The following PCDHB13 variants were observed in gnomAD, a reference collection of about 807,000 sequenced individuals.
PCDHB13 encodes the protein protocadherin beta 13.
For missense variants in PCDHB13, 1,065 were observed against 1,016.7 expected (o/e 1.05, Z -0.65); for synonymous variants, 515 against 450.7 (o/e 1.14, Z -1.81).
At position 141,214,459 on chromosome 5, in the gene PCDHB13, G is replaced by A. The variant is rs1448528040; in HGVS notation, c.336G>A (p.Glu112=). 2 of 1,537,030 alleles carry A rather than the reference G, an allele frequency of 1.3e-6. No homozygotes were observed. Among genetic ancestry groups the A allele is most frequent in the Admixed American group, 3.4e-5 (2 of 59,334 alleles). The part of the protein sequence containing the change: ...PCVLRFQVLL[E]SPFEFFQAEL... ...TGCTACGTTTCCAAGTGTTGCTAGA[G>A]AGTCCCTTCGAGTTTTTTCAAGCTG... The change falls in exon 1 of 1, where the codon GAG becomes GAA. Residue 112 remains glutamate (E), a synonymous_variant. Transcript: ENST00000341948.
chr5:141,218,974 G>T lies in PCDHB13; in HGVS notation c.*2454G>T, dbSNP rs782225451. 1.7e-4 allele frequency: 29 copies of T among 166,692 alleles called. No homozygotes were observed. The highest frequency in any genetic ancestry group is 3.9e-4 in the Admixed American group (6 of 15,278). The allele number at this position is 166,692 out of a possible 1,614,324, so 10.3% of individuals were successfully genotyped here. ...GAGAGAAGGGCCAAGTACTTGTCCTGTTACTTCCAGTTTTTCTAGATATAT... is the reference window on the plus strand; with the variant it reads ...GAGAGAAGGGCCAAGTACTTGTCCTTTTACTTCCAGTTTTTCTAGATATAT... On this transcript the variant is annotated 3_prime_UTR_variant, in exon 1 of 1. Transcript: ENST00000341948.
At position 141,214,721 on chromosome 5, in the gene PCDHB13, G is replaced by C; in HGVS notation, c.598G>C (p.Ala200Pro). The C allele has an allele frequency of 4.3e-6, 7 of 1,614,166 alleles. No homozygotes were observed. In the South Asian group the frequency reaches 7.7e-5, roughly 18 times the overall value. Residue 200 changes from alanine to proline, a missense_variant, in exon 1 of 1, where the codon GCG becomes CCG. Coordinates refer to ENST00000341948, the MANE Select transcript of PCDHB13 (RefSeq NM_018933.4). ...ATACCCAGAGCTGGTGCTGGACAAA[G>C]CGCTGGACCGAGAGGAAGAAGCTGA... ...RKYPELVLDK[A>P]LDREEEAELR...
rs1283325996 is a variant in PCDHB13 at position 141,217,597 on chromosome 5, G to A, written c.*1077G>A. The A allele has an allele frequency of 1.8e-5, 3 of 166,906 alleles. No individual in the cohort carries two copies. The highest frequency in any genetic ancestry group is 4.1e-4 in the South Asian group (2 of 4,820). The allele number at this position is 166,906 out of a possible 1,614,324, so 10.3% of individuals were successfully genotyped here. The stretch of plus-strand genomic sequence containing the variant: ...GCATACCAGATGTTGAACATTGATA[G>A]TATCAAAAGATAGTCCCTTAGGGTT... On this transcript the variant is annotated 3_prime_UTR_variant, in exon 1 of 1. Coordinates refer to ENST00000341948, the MANE Select transcript of PCDHB13 (RefSeq NM_018933.4).
rs1473550081 is a variant in PCDHB13, at chr5:141,214,646, C to T, written c.523C>T (p.Pro175Ser). The change falls in exon 1 of 1, where the codon CCC becomes TCC. Residue 175 changes from proline to serine, a missense_variant. Pro to Ser is a moderately conservative substitution (Grantham distance 74). Coordinates refer to ENST00000341948, the MANE Select transcript of PCDHB13 (RefSeq NM_018933.4). The stretch of plus-strand genomic sequence containing the variant: ...CAATATTGAGAACTATATAATCAGC[C>T]CCAACTCCTATTTTCGGGTCCTCAC... ...QNNIENYIISPNSYFRVLTRK... is the reference protein window; with the variant it reads ...QNNIENYIISSNSYFRVLTRK... 2 of 1,613,978 alleles carry T rather than the reference C, an allele frequency of 1.2e-6. No individual in the cohort carries two copies. The highest frequency in any genetic ancestry group is 1.3e-5 in the African/African-American group (1 of 74,902).
At position 141,218,871 on chromosome 5, in the gene PCDHB13, A is replaced by T. The variant is rs1378304624; in HGVS notation, c.*2351A>T. 6.0e-6 allele frequency: 1 copy of T among 167,034 alleles called. No individual in the cohort carries two copies. Among genetic ancestry groups the T allele is most frequent in the Non-Finnish European group, 1.5e-5 (1 of 68,172 alleles). The allele number at this position is 167,034 out of a possible 1,614,324, so 10.3% of individuals were successfully genotyped here. A position where few individuals can be genotyped will look rare whatever the true frequency, so the allele number is the denominator to read the frequency against. ...GAGTTATTCTAGCAGCTTCCCTGTG[A>T]TCTTCTCATATCTACTGGTGGAGTG... On this transcript the variant is annotated 3_prime_UTR_variant, in exon 1 of 1. Coordinates refer to ENST00000341948, the MANE Select transcript of PCDHB13 (RefSeq NM_018933.4).
Position 141,215,591 on chromosome 5 carries a change from C to A in PCDHB13, c.1468C>A (p.Leu490Met). 1.9e-6 allele frequency: 3 copies of A among 1,612,340 alleles called. No individual in the cohort carries two copies. The highest frequency in any genetic ancestry group is 1.1e-5 in the South Asian group (1 of 89,992). ...CACCAACGCCCAGGTCACCTACTCG[C>A]TGCTGCCGCCCCAGGACCCGCACCT... ...SGTNAQVTYSLLPPQDPHLPL... is the reference protein window; with the variant it reads ...SGTNAQVTYSMLPPQDPHLPL... Residue 490 changes from leucine to methionine, a missense_variant, in exon 1 of 1, where the codon CTG (leucine) becomes ATG (methionine). Transcript: ENST00000341948.
rs943687640 is a variant in PCDHB13, at chr5:141,217,554, T to G, written c.*1034T>G. ...AGTAACCCAAAGTTTGAAAACCACT[T>G]TTCTCAGACATATAAAAGCATACCA... is the stretch of plus-strand genomic sequence containing the variant. On this transcript the variant is annotated 3_prime_UTR_variant, in exon 1 of 1. Transcript: ENST00000341948. The G allele has an allele frequency of 1.8e-5, 3 of 167,008 alleles. No homozygotes were observed. Among genetic ancestry groups the G allele is most frequent in the Non-Finnish European group, 4.4e-5 (3 of 68,104 alleles). 10.3% of individuals were successfully genotyped at this position (167,008 alleles called of 1,614,324 possible). A position where few individuals can be genotyped will look rare whatever the true frequency, so the allele number is the denominator to read the frequency against.
At position 141,217,107 on chromosome 5, in the gene PCDHB13, A is replaced by T. The variant is rs1180328949; in HGVS notation, c.*587A>T. Reference sequence around the variant, plus strand: ...CCTTTCCTCATTCATCCTGGAGAGGATTGTGCAGGCACATTAATATTGTGA... The same window carrying T: ...CCTTTCCTCATTCATCCTGGAGAGGTTTGTGCAGGCACATTAATATTGTGA... On this transcript the variant is annotated 3_prime_UTR_variant, in exon 1 of 1. Coordinates refer to ENST00000341948, the MANE Select transcript of PCDHB13 (RefSeq NM_018933.4). 1 of 173,390 alleles carries T rather than the reference A, an allele frequency of 5.8e-6. No homozygotes were observed. The highest frequency in any genetic ancestry group is 1.4e-5 in the Non-Finnish European group (1 of 72,874). 10.7% of individuals were successfully genotyped at this position (173,390 alleles called of 1,614,324 possible).
In PCDHB13 at chr5:141,218,002, C is replaced by G. The variant is rs1257630256; in HGVS notation, c.*1482C>G. ...AGGCTGGAGTGCAGTGGTGTGATCT[C>G]CACTCACTGTGATCTCCACTCACTG... On this transcript the variant is annotated 3_prime_UTR_variant, in exon 1 of 1. Transcript: ENST00000341948. 2 of 144,600 alleles carry G rather than the reference C, an allele frequency of 1.4e-5. No homozygotes were observed. The highest frequency in any genetic ancestry group is 6.8e-5 in the African/African-American group (2 of 29,398). 9.0% of individuals were successfully genotyped at this position (144,600 alleles called of 1,614,324 possible).
rs782119920 is a variant in PCDHB13 at position 141,216,094 on chromosome 5, G to A, written c.1971G>A (p.Thr657=). 6.2e-7 allele frequency: 1 copy of A among 1,607,424 alleles called. No individual in the cohort carries two copies. The highest frequency in any genetic ancestry group is 1.3e-5 in the African/African-American group (1 of 74,886). The change falls in exon 1 of 1, where the codon ACG becomes ACA. Residue 657 remains threonine (T), a synonymous_variant. Transcript: ENST00000341948. ...AGCCTCCGCGCTCGGCCACCGCCACGCTGCACGTGCTCCTGGTGGACGGCT... is the reference window on the plus strand; with the variant it reads ...AGCCTCCGCGCTCGGCCACCGCCACACTGCACGTGCTCCTGGTGGACGGCT... ...NGEPPRSATA[T]LHVLLVDGFS...
rs1554287746 is a variant in PCDHB13 at position 141,214,899 on chromosome 5, G to C, written c.776G>C (p.Gly259Ala). Residue 259 changes from glycine (G) to alanine (A), a missense_variant, in exon 1 of 1, where the codon GGC becomes GCC. Coordinates refer to ENST00000341948, the MANE Select transcript of PCDHB13 (RefSeq NM_018933.4). ...CAGATCTCTGAGGACAGTCCGGTAG[G>C]CTTCCTGGTTGTGAAGGTCTCTGCC... ...RVQISEDSPV[G>A]FLVVKVSATD... 5.6e-6 allele frequency: 9 copies of C among 1,613,948 alleles called. No individual in the cohort carries two copies. The highest frequency in any genetic ancestry group is 6.8e-6 in the Non-Finnish European group (8 of 1,179,964).
Position 141,216,397 on chromosome 5 carries a change from C to T in PCDHB13, c.2274C>T (p.Gly758=), listed in dbSNP as rs1554288196. 6.2e-7 allele frequency: 1 copy of T among 1,614,162 alleles called. No individual in the cohort carries two copies. The change falls in exon 1 of 1, where the codon GGC becomes GGT. Residue 758 remains glycine, a synonymous_variant. Transcript: ENST00000341948. The part of the protein sequence containing the change: ...SYQYEVCLAG[G]SGTNEFKFLK... ...AGTATGAGGTGTGTCTGGCAGGAGG[C>T]TCAGGGACCAATGAGTTCAAGTTCC...
chr5:141,216,116 G>T lies in PCDHB13; in HGVS notation c.1993G>T (p.Gly665Cys), dbSNP rs1554288109. 9.3e-6 allele frequency: 15 copies of T among 1,609,280 alleles called. No homozygotes were observed. The highest frequency in any genetic ancestry group is 1.3e-5 in the Non-Finnish European group (15 of 1,179,736). ...CACGCTGCACGTGCTCCTGGTGGAC[G>T]GCTTCTCCCAGCCCTACCTGCCTCT... The part of the protein sequence containing the change: ...TATLHVLLVD[G>C]FSQPYLPLPE... Residue 665 changes from glycine to cysteine, a missense_variant, in exon 1 of 1, where the codon GGC (glycine) becomes TGC (cysteine). By Grantham distance (159) the Gly-to-Cys change is radical. Transcript: ENST00000341948.
In PCDHB13 at chr5:141,218,323, G is replaced by A. The variant is rs1754659771; in HGVS notation, c.*1803G>A. 6.0e-6 allele frequency: 1 copy of A among 167,070 alleles called. No individual in the cohort carries two copies. The highest frequency in any genetic ancestry group is 1.9e-4 in the East Asian group (1 of 5,210). The allele number at this position is 167,070 out of a possible 1,614,324, so 10.3% of individuals were successfully genotyped here. On this transcript the variant is annotated 3_prime_UTR_variant, in exon 1 of 1. Transcript: ENST00000341948. ...GGTATTAGTCAGTTGATAATGCCAA[G>A]AAGTGCAATCTCTTTTAATAGCATA... is the stretch of plus-strand genomic sequence containing the variant.
chr5:141,214,798 C>T lies in PCDHB13; in HGVS notation c.675C>T (p.Gly225=), dbSNP rs1754545200. The change falls in exon 1 of 1, where the codon GGC becomes GGT. Residue 225 remains glycine (G), a synonymous_variant. Transcript: ENST00000341948. The part of the protein sequence containing the change: ...ALDGGSPPRS[G]TAQVYIEVLD... ...ATGGTGGCTCTCCGCCCAGATCTGG[C>T]ACTGCTCAGGTCTACATCGAAGTCC... 1.2e-6 allele frequency: 2 copies of T among 1,614,190 alleles called. No individual in the cohort carries two copies. The highest frequency in any genetic ancestry group is 4.5e-5 in the East Asian group (2 of 44,886).
rs1260705766 is a variant in PCDHB13, at chr5:141,215,590, G to C, written c.1467G>C (p.Ser489=). Reference sequence around the variant, plus strand: ...GCACCAACGCCCAGGTCACCTACTCGCTGCTGCCGCCCCAGGACCCGCACC... The same window carrying C: ...GCACCAACGCCCAGGTCACCTACTCCCTGCTGCCGCCCCAGGACCCGCACC... ...DSGTNAQVTY[S]LLPPQDPHLP... is the part of the protein sequence containing the mutation. The change falls in exon 1 of 1, where the codon TCG becomes TCC. Residue 489 remains serine, a synonymous_variant. Coordinates refer to ENST00000341948, the MANE Select transcript of PCDHB13 (RefSeq NM_018933.4). 8 of 1,612,156 alleles carry C rather than the reference G, an allele frequency of 5.0e-6. No individual in the cohort carries two copies. The highest frequency in any genetic ancestry group is 1.8e-4 in the Middle Eastern group (1 of 5,506).
At position 141,215,498 on chromosome 5, in the gene PCDHB13, T is replaced by C; in HGVS notation, c.1375T>C (p.Phe459Leu). The C allele has an allele frequency of 6.2e-7, 1 of 1,614,052 alleles. No homozygotes were observed. The highest frequency in any genetic ancestry group is 8.5e-7 in the Non-Finnish European group (1 of 1,179,964). Residue 459 changes from phenylalanine (F) to leucine (L), a missense_variant, in exon 1 of 1, where the codon TTC becomes CTC. Transcript: ENST00000341948. ...PAFTQTSYTL[F>L]VRENNSPALH... ...CTTCACCCAAACCTCCTACACCCTG[T>C]TCGTCCGCGAGAACAACAGCCCCGC...
rs1554287653 is a variant in PCDHB13, at chr5:141,214,584, C to T, written c.461C>T (p.Pro154Leu). ...AGCAGTCCTCCTGGGACTACGTTTC[C>T]TCTGAAGAATGCCGAAGACTTAGAT... ...SESSPPGTTF[P>L]LKNAEDLDVG... Residue 154 changes from proline to leucine, a missense_variant, in exon 1 of 1, where the codon CCT becomes CTT. Physicochemically the swap from Pro to Leu is moderately conservative, Grantham distance 98. Coordinates refer to ENST00000341948, the MANE Select transcript of PCDHB13 (RefSeq NM_018933.4). 6 of 1,614,108 alleles carry T rather than the reference C, an allele frequency of 3.7e-6. No individual in the cohort carries two copies. The Admixed American group carries it at 6.7e-5, about 18-fold the overall frequency.
In PCDHB13 at chr5:141,216,675, C is replaced by T. The variant is rs781926036; in HGVS notation, c.*155C>T. On this transcript the variant is annotated 3_prime_UTR_variant, in exon 1 of 1. Transcript: ENST00000341948. ...CCTTTGTTTTAAAGTGAACATTTAC[C>T]TTTATTCCTGGTTCTTAAAAGGTGA... The T allele has an allele frequency of 6.4e-6, 5 of 786,354 alleles. No homozygotes were observed. The East Asian group carries it at 1.0e-4, about 16-fold the overall frequency. The allele number at this position is 786,354 out of a possible 1,614,324, so 48.7% of individuals were successfully genotyped here.
Sources: allele counts gnomAD v4.1 joint callset, GRCh38; gene constraint gnomAD v4.1.1; transcripts MANE v1.5; gene names NCBI Gene and HGNC (gene_info 2026-07-23, HGNC 2026-07-21).